TBL1X: variants seen among roughly 807,000 people sequenced by gnomAD.
TBL1X encodes transducin beta like 1 X-linked, also known as F-box-like/WD repeat-containing protein TBL1X.
Under a neutral mutation model 50.7 loss-of-function variants are expected in TBL1X, and 10 were observed. The ratio of observed to expected loss-of-function variants is 0.20; its 90% confidence interval spans 0.12 to 0.33. The LOEUF is 0.33. TBL1X is among the 10% of genes least tolerant of loss of function. TBL1X has a pLI of 1.00. For missense variants in TBL1X, 340 were observed against 504.4 expected (o/e 0.67, Z 3.12); for synonymous variants, 190 against 214.7 (o/e 0.88, Z 1.01).
chrX:9,713,278 T>C (rs764627373), intron 16 of TBL1X, among the ~76,000 whole-genome samples: 2 of 111,228 alleles, frequency 1.8e-5, no homozygotes, highest in Admixed American at 9.5e-5. Flanking sequence ...CCTGAAATCC[T>C]CGCTAGAAAT....
intron 2 of TBL1X, among the ~76,000 whole-genome samples, chrX:9,596,426 C>T (rs1354510871): frequency 7.2e-5 from 8 of 111,671 alleles, no homozygotes. Context: ...GGCAGTCTTT[C>T]CCCAGGGGAC....
chrX:9,594,658 A>G (rs1344731241), intron 2 of TBL1X, among the ~76,000 whole-genome samples: 2 of 112,217 alleles, frequency 1.8e-5, no homozygotes, highest in Non-Finnish European at 3.8e-5. Flanking sequence ...ACAAGGGATC[A>G]TTGCATTGCA....
chrX:9,699,776 G>A (rs1052590027), intron 12 of TBL1X, among the ~76,000 whole-genome samples: 1 of 111,723 alleles, frequency 9.0e-6, no homozygotes, highest in South Asian at 3.8e-4. Flanking sequence ...AGAGAGTGAG[G>A]GAGACTCAGG....
At chrX:9,480,246 A>C (rs2146931780) in intron 1 of TBL1X, among the ~76,000 whole-genome samples, 1 of 111,808 alleles carries the variant, frequency 8.9e-6, no homozygotes, top group South Asian at 3.7e-4. Flanking sequence ...GAGCCACTGC[A>C]CCTGGCGGGA....
rs184211916 is a variant in TBL1X, at chrX:9,694,764, G to A, written c.1053+1345G>A. On this transcript the variant is annotated intron_variant, in intron 11 of 17. Transcript: ENST00000645353. Reference sequence around the variant, plus strand: ...CACGGCAGGCAGATCACCTGAGGTCGGGAGTTCGAGACCAGCCTGACCAAC... The same window carrying A: ...CACGGCAGGCAGATCACCTGAGGTCAGGAGTTCGAGACCAGCCTGACCAAC... Among the ~76,000 whole-genome samples, 183 of 109,689 alleles carry A rather than the reference G, an allele frequency of 1.7e-3. 1 individual carries two copies. Among genetic ancestry groups the A allele is most frequent in the African/African-American group, 5.8e-3 (175 of 30,119 alleles).
At chrX:9,685,105 C>G (rs1328735038) in intron 6 of TBL1X, among the ~76,000 whole-genome samples, 1 of 111,776 alleles carries the variant, frequency 8.9e-6, no homozygotes, top group Non-Finnish European at 1.9e-5. Flanking sequence ...GGCTTGGAAC[C>G]CCTCCCACTT....
intron 12 of TBL1X, among the ~76,000 whole-genome samples, chrX:9,702,959 G>A (rs191507814): frequency 7.2e-5 from 8 of 111,483 alleles, no homozygotes; most frequent in African/African-American, 1.3e-4. Context: ...GGTCAGATGC[G>A]GACGACTAGC....
chrX:9,480,605 C>G (rs1295626180), intron 1 of TBL1X, among the ~76,000 whole-genome samples: 1 of 111,512 alleles, frequency 9.0e-6, no homozygotes, highest in East Asian at 2.8e-4. Context: ...TCCCCTCTAT[C>G]AGTGAGTGAA....
chrX:9,711,546 CATT>C, intron 15 of TBL1X, 62 bp from the exon 16 acceptor site: 1 of 1,019,307 alleles, frequency 9.8e-7, no homozygotes, highest in African/African-American at 1.9e-5. Context: ...ATCTGATACA[CATT>C]ATGGAGAACT....
intron 2 of TBL1X, among the ~76,000 whole-genome samples, chrX:9,610,099 A>G (rs1027574071): frequency 7.1e-5 from 8 of 112,466 alleles, no homozygotes; most frequent in African/African-American, 2.6e-4. Flanking sequence ...AAGTCCAGAA[A>G]GCAAGAAGAA....
At chrX:9,537,494 C>A (rs1241827500) in intron 2 of TBL1X, among the ~76,000 whole-genome samples, 1 of 111,731 alleles carries the variant, frequency 9.0e-6, no homozygotes, top group Non-Finnish European at 1.9e-5. Context: ...TTCTTCCCTC[C>A]CCACAGCCCC....
At chrX:9,554,821 G>T (rs1229225208) in intron 2 of TBL1X, among the ~76,000 whole-genome samples, 1 of 111,607 alleles carries the variant, frequency 9.0e-6, no homozygotes, top group Non-Finnish European at 1.9e-5. Context: ...TAAATTTACA[G>T]AGTTGTACAG....
chrX:9,558,541 A>AAAT (rs1569055268), intron 2 of TBL1X, among the ~76,000 whole-genome samples: 1 of 107,017 alleles, frequency 9.3e-6, no homozygotes, highest in African/African-American at 3.4e-5. Context: ...AGGAAAAAAA[A>AAAT]ATATATATAT....
chrX:9,480,721 G>T (rs1275155251), intron 1 of TBL1X, among the ~76,000 whole-genome samples: 1 of 104,975 alleles, frequency 9.5e-6, no homozygotes, highest in East Asian at 3.0e-4. Context: ...TTTGATATTT[G>T]ACAAAACTTT....
intron 2 of TBL1X, among the ~76,000 whole-genome samples, chrX:9,532,594 G>A (rs755124755): frequency 1.6e-3 from 181 of 111,055 alleles, no homozygotes; most frequent in Non-Finnish European, 2.7e-3. Flanking sequence ...ACCACGTGCC[G>A]GGCGGCTGTA....
chrX:9,622,870 A>G (rs915189958), intron 2 of TBL1X, among the ~76,000 whole-genome samples: 2 of 111,770 alleles, frequency 1.8e-5, no homozygotes. Context: ...TTATCCACTC[A>G]TCCGTTCATA....
chrX:9,692,582 A>G (rs1204665834), intron 9 of TBL1X, among the ~76,000 whole-genome samples: 1 of 111,732 alleles, frequency 8.9e-6, no homozygotes, highest in East Asian at 2.8e-4. Context: ...TAATTTTTGT[A>G]TTTTTAGTAG....
chrX:9,691,162 G>A (rs932950577), intron 7 of TBL1X, among the ~76,000 whole-genome samples: 1 of 111,880 alleles, frequency 8.9e-6, no homozygotes, highest in African/African-American at 3.3e-5. Flanking sequence ...TAGGCCGGGC[G>A]TGGTGGCTCA....
intron 5 of TBL1X, among the ~76,000 whole-genome samples, chrX:9,669,615 A>G (rs1028908657): frequency 9.0e-6 from 1 of 111,451 alleles, no homozygotes; most frequent in African/African-American, 3.3e-5. Flanking sequence ...TGCTGTGCCA[A>G]AACTACAGAT....
Sources: allele counts gnomAD v4.1 joint callset (sites outside exome capture counted in the v4.1 genomes callset), GRCh38; gene constraint gnomAD v4.1.1; transcripts MANE v1.5; gene names NCBI Gene and HGNC (gene_info 2026-07-23, HGNC 2026-07-21).